FAM53B: variants seen among roughly 807,000 people sequenced by gnomAD.
FAM53B encodes protein FAM53B.
A neutral mutation model predicts 32.7 loss-of-function variants in FAM53B; 12 were observed. That is an observed-to-expected ratio of 0.37 (90% CI 0.24 to 0.59). FAM53B has a LOEUF of 0.59. Ranked by LOEUF, FAM53B falls within the 20% of genes least tolerant of loss-of-function variation. The pLI is 0.72. For synonymous variants in FAM53B, 234 were observed against 228.7 expected, an observed-to-expected ratio of 1.02 and a Z score of -0.21; for missense variants, 477 against 577.7, an observed-to-expected ratio of 0.83 and a Z score of 1.79.
At chr10:124,697,045 C>T (rs951467646) in intron 2 of FAM53B, among the ~76,000 whole-genome samples, 1 of 152,100 alleles carries the variant, frequency 6.6e-6, no homozygotes, top group Non-Finnish European at 1.5e-5. Flanking sequence ...TCTGGGGGTT[C>T]CTCATGCTAG....
chr10:124,687,871 C>T (rs999530921), intron 3 of FAM53B, among the ~76,000 whole-genome samples: 10 of 152,188 alleles, frequency 6.6e-5, no homozygotes, highest in South Asian at 4.1e-4. Flanking sequence ...GTCCGAATGG[C>T]GGCCCATCCA....
At chr10:124,710,637 C>T (rs7080563) in intron 1 of FAM53B, among the ~76,000 whole-genome samples, 8 of 152,342 alleles carry the variant, frequency 5.3e-5, no homozygotes, top group African/African-American at 1.9e-4. Flanking sequence ...GAGGTGGAAG[C>T]CTCGCAAAGC....
At chr10:124,667,421 C>G in intron 4 of FAM53B, 1 of 768,862 alleles carries the variant, frequency 1.3e-6, no homozygotes, top group Non-Finnish European at 2.4e-6. Flanking sequence ...ATGGGGCTAT[C>G]TGGAGGAGAA....
chr10:124,685,280 A>G (rs528765506), intron 3 of FAM53B, among the ~76,000 whole-genome samples: 9 of 152,318 alleles, frequency 5.9e-5, no homozygotes, highest in South Asian at 2.1e-4. Context: ...CAAATGTCCT[A>G]TGAGAAAAAA....
At chr10:124,673,623 T>C (rs1260633645) in intron 4 of FAM53B, among the ~76,000 whole-genome samples, 1 of 152,178 alleles carries the variant, frequency 6.6e-6, no homozygotes, top group East Asian at 1.9e-4. Flanking sequence ...CCCTTCCTAA[T>C]CCAGGCTGAG....
At chr10:124,671,969 T>C (rs1004690859) in intron 4 of FAM53B, among the ~76,000 whole-genome samples, 9 of 152,234 alleles carry the variant, frequency 5.9e-5, no homozygotes, top group Admixed American at 2.0e-4. Flanking sequence ...TGGCATTTGC[T>C]TTCTGATTTC....
At chr10:124,735,190 G>A (rs1203355687) in intron 1 of FAM53B, among the ~76,000 whole-genome samples, 2 of 152,166 alleles carry the variant, frequency 1.3e-5, no homozygotes, top group Non-Finnish European at 2.9e-5. Flanking sequence ...TCCAGAAGGT[G>A]GTAAGTGGGC....
chr10:124,678,602 A>C (rs1949750649), intron 4 of FAM53B, among the ~76,000 whole-genome samples: 1 of 152,144 alleles, frequency 6.6e-6, no homozygotes, highest in Non-Finnish European at 1.5e-5. Flanking sequence ...GGACCAAGAG[A>C]TCTTCAGTTT....
chr10:124,638,308 T>G (rs938145887), intron 4 of FAM53B, among the ~76,000 whole-genome samples: 1 of 152,128 alleles, frequency 6.6e-6, no homozygotes, highest in Non-Finnish European at 1.5e-5. Context: ...AGGCGGAGCT[T>G]GCAGTGAGCC....
In FAM53B at chr10:124,711,673, C is replaced by T. The variant is rs756086858; in HGVS notation, c.-174-4786G>A. 8.5e-5 allele frequency among the ~76,000 whole-genome samples: 13 copies of T among 152,178 alleles called. 1 individual carries two copies. In the East Asian group the frequency reaches 1.9e-3, roughly 23 times the overall value. On this transcript the variant is annotated intron_variant, in intron 1 of 4. Coordinates refer to ENST00000337318, the MANE Select transcript of FAM53B (RefSeq NM_014661.4). ...CTGATTATACCAGGGAGACCGTGTG[C>T]GCGGGAAGGGGAGGAACGTGTGTGT...
At chr10:124,628,035 C>A (rs10794171) in intron 4 of FAM53B, among the ~76,000 whole-genome samples, 5 of 152,150 alleles carry the variant, frequency 3.3e-5, no homozygotes, top group Non-Finnish European at 4.4e-5. Context: ...CTACTCACTC[C>A]GTCCAGCCTC....
rs1178884825 is a variant in FAM53B, at chr10:124,626,847, C to T, written c.907-3243G>A. ...GACTCCATCCACATGGGCATCACGG[C>T]GCCAGGCAACTCTTCCACCTCTGGG... On this transcript the variant is annotated intron_variant, in intron 4 of 4. Transcript: ENST00000337318. Among the ~76,000 whole-genome samples, 5 of 152,312 alleles carry T rather than the reference C, an allele frequency of 3.3e-5. No homozygotes were observed. In the East Asian group the frequency reaches 9.7e-4, roughly 29 times the overall value.
intron 3 of FAM53B, among the ~76,000 whole-genome samples, chr10:124,694,420 G>T (rs1213545653): frequency 6.6e-6 from 1 of 152,252 alleles, no homozygotes; most frequent in African/African-American, 2.4e-5. Context: ...TGGTCTCTGG[G>T]CCTCAAGACC....
At chr10:124,675,728 C>G (rs1248233243) in intron 4 of FAM53B, among the ~76,000 whole-genome samples, 1 of 152,246 alleles carries the variant, frequency 6.6e-6, no homozygotes, top group Admixed American at 6.5e-5. Context: ...GAAGGGCCAG[C>G]TGATTGGTCC....
chr10:124,631,539 C>T (rs1949391036), intron 4 of FAM53B, among the ~76,000 whole-genome samples: 2 of 152,304 alleles, frequency 1.3e-5, no homozygotes, highest in South Asian at 4.1e-4. Flanking sequence ...TAGAAAGTCA[C>T]TCCGTTGGCC....
At chr10:124,654,066 A>T (rs1330260916) in intron 4 of FAM53B, among the ~76,000 whole-genome samples, 1 of 152,222 alleles carries the variant, frequency 6.6e-6, no homozygotes, top group Admixed American at 6.5e-5. Flanking sequence ...GATCTGCTGG[A>T]CACCAGCCAC....
In FAM53B at chr10:124,625,036, C is replaced by G. The variant is rs556732452; in HGVS notation, c.907-1432G>C. Among the ~76,000 whole-genome samples, 3 of 152,354 alleles carry G rather than the reference C, an allele frequency of 2.0e-5. No individual in the cohort carries two copies. In the East Asian group the frequency reaches 5.8e-4, roughly 29 times the overall value. Reference sequence around the variant, plus strand: ...GCCTTGGAGCACCCGCCGCCTCCCTCGCCGCACGCCTGCTGACGCCAAGAC... The same window carrying G: ...GCCTTGGAGCACCCGCCGCCTCCCTGGCCGCACGCCTGCTGACGCCAAGAC... On this transcript the variant is annotated intron_variant, in intron 4 of 4. Transcript: ENST00000337318.
intron 4 of FAM53B, among the ~76,000 whole-genome samples, chr10:124,661,359 G>A (rs1949630141): frequency 6.6e-6 from 1 of 152,200 alleles, no homozygotes; most frequent in South Asian, 2.1e-4. Flanking sequence ...GTCCCCAGAA[G>A]GTTGAGAGAG....
chr10:124,667,403 C>T (rs998518710), intron 4 of FAM53B: 1 of 770,442 alleles, frequency 1.3e-6, no homozygotes, highest in East Asian at 2.4e-5. Context: ...TAACGATGTG[C>T]CTTCCTCATG....
Sources: gnomAD v4.1 joint callset for allele counts (sites outside exome capture counted in the v4.1 genomes callset) on GRCh38, gnomAD v4.1.1 for gene constraint, MANE v1.5 for transcripts, NCBI Gene and HGNC (gene_info 2026-07-23, HGNC 2026-07-21) for gene names.